Variants in HMCN1 observed in about 807,000 individuals in gnomAD.
HMCN1 encodes the protein hemicentin-1.
HMCN1 carries 321 observed loss-of-function variants against 625.9 expected under a neutral mutation model. That is an observed-to-expected ratio of 0.51 (90% confidence interval 0.47 to 0.56). The LOEUF is 0.56. Ranked by LOEUF, HMCN1 falls within the 20% of genes least tolerant of loss-of-function variation. The pLI is 0.00. For synonymous variants in HMCN1, 2,425 were observed against 2,417.6 expected (o/e 1.00, Z -0.09); for missense variants, 6,588 against 6,887.3 (o/e 0.96, Z 1.54).
intron 10 of HMCN1, among the ~76,000 whole-genome samples, chr1:185,932,119 A>T (rs1667581659): frequency 6.6e-6 from 1 of 152,186 alleles, no homozygotes; most frequent in Non-Finnish European, 1.5e-5. Context: ...AACCCTAGCC[A>T]GACTCCAATC....
At position 186,057,238 on chromosome 1, in the gene HMCN1, T is replaced by C. The variant is rs753414386; in HGVS notation, c.7149T>C (p.Pro2383=). ...DKKYDLSVHA[P]PSIIGNHRSP... ...TTGTTTTATTTTGTCTTACAGCTCC[T>C]CCAAGCATCATAGGAAACCACAGGT... Residue 2383 remains proline (P), a synonymous_variant, in exon 46 of 107, where the codon CCT becomes CCC. Transcript: ENST00000271588. The C allele has an allele frequency of 1.2e-6, 2 of 1,610,660 alleles. No individual in the cohort carries two copies. The highest frequency in any genetic ancestry group is 8.5e-7 in the Non-Finnish European group (1 of 1,177,470).
At chr1:185,922,922 C>T (rs1470295094) in intron 7 of HMCN1, among the ~76,000 whole-genome samples, 2 of 152,100 alleles carry the variant, frequency 1.3e-5, no homozygotes, top group Non-Finnish European at 2.9e-5. Context: ...AAATTAAACA[C>T]GTCACATATC....
intron 1 of HMCN1, among the ~76,000 whole-genome samples, chr1:185,790,709 C>T (rs1235614698): frequency 2.0e-5 from 3 of 152,192 alleles, no homozygotes; most frequent in Non-Finnish European, 4.4e-5. Flanking sequence ...CCTCCAGGCA[C>T]TAATTGCTGA....
At chr1:185,764,021 A>AT (rs1655701633) in intron 1 of HMCN1, among the ~76,000 whole-genome samples, 1 of 152,184 alleles carries the variant, frequency 6.6e-6, no homozygotes, top group Non-Finnish European at 1.5e-5. Flanking sequence ...GTCTGTAAAG[A>AT]TATAGGTCCT....
At chr1:186,059,059 A>C (rs1657520863) in intron 46 of HMCN1, among the ~76,000 whole-genome samples, 1 of 152,002 alleles carries the variant, frequency 6.6e-6, no homozygotes, top group South Asian at 2.1e-4. Context: ...GAGATACCTA[A>C]AACAGTTAAC....
Position 185,984,020 on chromosome 1 carries a change from T to A in HMCN1, c.2791-149T>A, listed in dbSNP as rs763974545. On this transcript the variant is annotated intron_variant, in intron 18 of 106. Coordinates refer to ENST00000271588, the MANE Select transcript of HMCN1 (RefSeq NM_031935.3). ...ACAATCACACTCTTGGTAACATTTA[T>A]GCTCATCGTTCTTCACTTAAGGACA... The A allele has an allele frequency of 5.0e-4, 319 of 632,096 alleles. 1 individual carries two copies. The highest frequency in any genetic ancestry group is 1.7e-3 in the Middle Eastern group (4 of 2,336). The allele number at this position is 632,096 out of a possible 1,614,324, so 39.2% of individuals were successfully genotyped here.
intron 29 of HMCN1, among the ~76,000 whole-genome samples, chr1:186,005,190 CA>C (rs1653491992): frequency 7.0e-6 from 1 of 142,548 alleles, no homozygotes. Context: ...TGTTTATAAA[CA>C]ATTTTTTAAT....
chr1:185,875,670 T>C (rs1379717050), intron 4 of HMCN1, among the ~76,000 whole-genome samples: 3 of 152,120 alleles, frequency 2.0e-5, no homozygotes, highest in Non-Finnish European at 4.4e-5. Context: ...TGTTCTCCCC[T>C]GACAGATCTC....
At chr1:185,884,019 G>T (rs184126329) in intron 4 of HMCN1, among the ~76,000 whole-genome samples, 28 of 150,624 alleles carry the variant, frequency 1.9e-4, no homozygotes, top group African/African-American at 5.4e-4. Flanking sequence ...ACAGGGAGTG[G>T]GTTACTTGTA....
intron 97 of HMCN1, among the ~76,000 whole-genome samples, chr1:186,163,621 T>C (rs1453949858): frequency 6.6e-6 from 1 of 152,228 alleles, no homozygotes; most frequent in African/African-American, 2.4e-5. Context: ...CCAATTTATA[T>C]GAAAATTGCA....
chr1:186,041,526 C>T (rs1656205825), intron 40 of HMCN1, among the ~76,000 whole-genome samples: 1 of 152,136 alleles, frequency 6.6e-6, no homozygotes, highest in Non-Finnish European at 1.5e-5. Context: ...TTGTAATCAG[C>T]ATATTTGTGA....
At chr1:185,947,905 G>A (rs184565747) in intron 11 of HMCN1, among the ~76,000 whole-genome samples, 13 of 152,272 alleles carry the variant, frequency 8.5e-5, no homozygotes, top group East Asian at 5.8e-4. Context: ...CTAGTTTCAC[G>A]TGGAAAAGTT....
chr1:185,883,879 A>ATTTTTTTTTTTTTTTTTTT (rs1205211897), intron 4 of HMCN1, among the ~76,000 whole-genome samples: 7 of 55,948 alleles, frequency 1.3e-4, no homozygotes, highest in South Asian at 6.8e-4. Context: ...ATAGGTCATG[A>ATTTTTTTTTTTTTTTTTTT]TTTTTTTTTT....
intron 89 of HMCN1, among the ~76,000 whole-genome samples, chr1:186,142,190 G>T (rs1031187469): frequency 2.0e-5 from 3 of 151,978 alleles, no homozygotes; most frequent in African/African-American, 4.8e-5. Flanking sequence ...AGTGTTTGTT[G>T]TTCCCCTCTT....
At chr1:185,972,688 C>A (rs189983759) in intron 15 of HMCN1, among the ~76,000 whole-genome samples, 1 of 152,066 alleles carries the variant, frequency 6.6e-6, no homozygotes, top group South Asian at 2.1e-4. Flanking sequence ...TTAACTATTT[C>A]CATATTCGCT....
Position 185,786,162 on chromosome 1 carries a change from A to G in HMCN1, c.268+51115A>G, listed in dbSNP as rs192652214. ...ATTGTGATTTTATAACATCATGATG[A>G]TGTTGTTATTTATCAAGCTCCAAGG... On this transcript the variant is annotated intron_variant, in intron 1 of 106. Coordinates refer to ENST00000271588, the MANE Select transcript of HMCN1 (RefSeq NM_031935.3). 6.1e-4 allele frequency among the ~76,000 whole-genome samples: 93 copies of G among 152,270 alleles called. 1 individual carries two copies. The highest frequency in any genetic ancestry group is 2.1e-3 in the African/African-American group (87 of 41,550).
At chr1:185,908,303 G>A (rs1666211293) in intron 4 of HMCN1, among the ~76,000 whole-genome samples, 1 of 151,812 alleles carries the variant, frequency 6.6e-6, no homozygotes, top group South Asian at 2.1e-4. Flanking sequence ...TACTTGAAAT[G>A]TGACCACTTA....
At chr1:185,996,983 C>T (rs565533406) in intron 24 of HMCN1, among the ~76,000 whole-genome samples, 2 of 152,128 alleles carry the variant, frequency 1.3e-5, no homozygotes, top group East Asian at 3.9e-4. Flanking sequence ...TAAAGGGGAA[C>T]ATGTTTGAGA....
rs1661894220 is a variant in HMCN1, at chr1:186,130,769, T to G, written c.13230+72T>G. On this transcript the variant is annotated intron_variant, in intron 85 of 106. Coordinates refer to ENST00000271588, the MANE Select transcript of HMCN1 (RefSeq NM_031935.3). ...AATACCCCTCTGTGAGTGCCATAGA[T>G]AAGAAACATTTCTCTTACATTCCTA... 3 of 1,263,862 alleles carry G rather than the reference T, an allele frequency of 2.4e-6. No individual in the cohort carries two copies. The South Asian group carries it at 3.6e-5, about 15-fold the overall frequency. 78.3% of individuals were successfully genotyped at this position (1,263,862 alleles called of 1,614,324 possible).
Sources: allele counts gnomAD v4.1 joint callset (sites outside exome capture counted in the v4.1 genomes callset), GRCh38; gene constraint gnomAD v4.1.1; transcripts MANE v1.5; gene names NCBI Gene and HGNC (gene_info 2026-07-23, HGNC 2026-07-21).